Variants in ECE1 observed in about 807,000 individuals in gnomAD.
The protein encoded by ECE1 is endothelin converting enzyme 1.
ECE1 carries 35 observed loss-of-function variants against 98.6 expected under a neutral mutation model. That is an observed-to-expected ratio of 0.35 (90% CI 0.27 to 0.47). The LOEUF is 0.47. Among genes scored for constraint, ECE1 ranks in the 20% least tolerant of loss-of-function variants. The pLI is 1.00. For synonymous variants in ECE1, 394 were observed against 407.1 expected (o/e 0.97, Z 0.39); for missense variants, 814 against 1,025.3 (o/e 0.79, Z 2.81).
chr1:21,221,823 T>C lies in ECE1; in HGVS notation c.2060A>G (p.Lys687Arg). 2 of 1,614,180 alleles carry C rather than the reference T, an allele frequency of 1.2e-6. No individual in the cohort carries two copies. The highest frequency in any genetic ancestry group is 1.3e-5 in the African/African-American group (1 of 75,046). Reference protein sequence around the residue: ...AAYRAYQNWVKKNGAEHSLPT... With the variant: ...AAYRAYQNWVRKNGAEHSLPT... Reference sequence around the variant, plus strand: ...GAGCGAGTGCTCAGCCCCGTTCTTCTTCACCCAGTTCTGGTAAGCCTGGGA... The same window carrying C: ...GAGCGAGTGCTCAGCCCCGTTCTTCCTCACCCAGTTCTGGTAAGCCTGGGA... Residue 687 changes from lysine (K) to arginine (R), a missense_variant, in exon 18 of 19, where the codon AAG becomes AGG. This residue lies in a region of ECE1 where 452 missense variants were observed against 567.3 expected (regional missense o/e 0.80). Transcript: ENST00000374893.
chr1:21,345,194 G>A lies in ECE1; in HGVS notation c.3+182C>T. On this transcript the variant is annotated intron_variant, in intron 1 of 18. Coordinates refer to the ECE1 transcript ENST00000415912. The surrounding 1 kb of genome is among the most constrained non-coding windows in gnomAD (Gnocchi z 5.1). ...GACCAAGCGCAGCGCCGCCGGGAGAGCCGCGCTCTGCCCGGGCGCTCCCCG... is the reference window on the plus strand; with the variant it reads ...GACCAAGCGCAGCGCCGCCGGGAGAACCGCGCTCTGCCCGGGCGCTCCCCG... 2.5e-6 allele frequency: 2 copies of A among 808,030 alleles called. No homozygotes were observed. Among genetic ancestry groups the A allele is most frequent in the Non-Finnish European group, 3.2e-6 (2 of 631,450 alleles). The allele number at this position is 808,030 out of a possible 1,614,324, so 50.1% of individuals were successfully genotyped here. A position where few individuals can be genotyped will look rare whatever the true frequency, so the allele number is the denominator to read the frequency against.
chr1:21,244,649 G>C (rs528018554), intron 10 of ECE1, among the ~76,000 whole-genome samples: 1 of 152,282 alleles, frequency 6.6e-6, no homozygotes, highest in South Asian at 2.1e-4. Flanking sequence ...TGCTTCTAAG[G>C]ACCAGGTGCT....
In ECE1 at chr1:21,220,554, A is replaced by C. The variant is rs1313168597; in HGVS notation, c.2137-423T>G. Among the ~76,000 whole-genome samples the C allele has an allele frequency of 1.3e-5, 2 of 152,064 alleles. No individual in the cohort carries two copies. Among genetic ancestry groups the C allele is most frequent in the East Asian group, 3.9e-4 (2 of 5,172 alleles). On this transcript the variant is annotated intron_variant, in intron 18 of 18. Coordinates refer to ENST00000374893, the MANE Select transcript of ECE1 (RefSeq NM_001397.3). The surrounding 1 kb of genome is among the most constrained non-coding windows in gnomAD (Gnocchi z 5.0). ...TCATACCTGTAATCCCAGCACTTTAAGAGGCCAAGGTGGCGGTGGATCACT... is the reference window on the plus strand; with the variant it reads ...TCATACCTGTAATCCCAGCACTTTACGAGGCCAAGGTGGCGGTGGATCACT...
intron 1 of ECE1, chr1:21,299,908 A>G (rs1242861455): frequency 6.6e-6 from 1 of 152,212 alleles, no homozygotes; most frequent in Non-Finnish European, 1.5e-5. Flanking sequence ...CATTCCATAG[A>G]GTCCTTTATT....
rs1367204641 is a variant in ECE1 at position 21,307,053 on chromosome 1, A to T, written c.4-16897T>A. ...GAGGACTGAGCCAACTCTTGGGCTT[A>T]GGATGACTGAGGTCCACCGAGGACT... is the stretch of plus-strand genomic sequence containing the variant. On this transcript the variant is annotated intron_variant, in intron 1 of 18. Transcript: ENST00000415912. This position sits in a 1 kb window ranked among gnomAD's most constrained non-coding sequence, Gnocchi z 4.2. Among the ~76,000 whole-genome samples, 3 of 152,186 alleles carry T rather than the reference A, an allele frequency of 2.0e-5. No homozygotes were observed. Among genetic ancestry groups the T allele is most frequent in the African/African-American group, 7.2e-5 (3 of 41,450 alleles).
intron 4 of ECE1, among the ~76,000 whole-genome samples, chr1:21,272,491 CA>C (rs1479915549): frequency 6.6e-6 from 1 of 152,228 alleles, no homozygotes; most frequent in Non-Finnish European, 1.5e-5. Flanking sequence ...AGGGTTTTGC[CA>C]TGTTGGCCAG....
chr1:21,337,832 C>G (rs76776950), intron 1 of ECE1, among the ~76,000 whole-genome samples: 8,340 of 152,236 alleles, frequency 0.055, 750 homozygotes, highest in African/African-American at 0.19. Context: ...CAGGTTTGAA[C>G]CTGGGCCCAT....
chr1:21,311,981 G>A (rs1638735178), intron 1 of ECE1, among the ~76,000 whole-genome samples: 1 of 151,212 alleles, frequency 6.6e-6, no homozygotes, highest in Non-Finnish European at 1.5e-5. Context: ...AAATTAGCCG[G>A]GCATGGCAGT....
chr1:21,269,359 G>A lies in ECE1; in HGVS notation c.493+3340C>T, dbSNP rs554085145. 2.0e-5 allele frequency among the ~76,000 whole-genome samples: 3 copies of A among 152,312 alleles called. No individual in the cohort carries two copies. The South Asian group carries it at 6.2e-4, about 32-fold the overall frequency. On this transcript the variant is annotated intron_variant, in intron 4 of 18. Transcript: ENST00000374893. Reference sequence around the variant, plus strand: ...CAAGTGAGATGCTCAGTGTGTCATAGCTGTATTCTGCACCTCCTTCCTGAC... The same window carrying A: ...CAAGTGAGATGCTCAGTGTGTCATAACTGTATTCTGCACCTCCTTCCTGAC...
At chr1:21,299,469 T>C (rs935144848) in intron 1 of ECE1, 1 of 153,022 alleles carries the variant, frequency 6.5e-6, no homozygotes, top group African/African-American at 2.4e-5. Flanking sequence ...GCCCAGGCGA[T>C]GTCTTGGACA....
chr1:21,321,091 G>C (rs111489650), intron 1 of ECE1, among the ~76,000 whole-genome samples: 2 of 152,170 alleles, frequency 1.3e-5, no homozygotes, highest in African/African-American at 4.8e-5. Context: ...CCACTTTACA[G>C]AGGAGGAAAC....
intron 1 of ECE1, among the ~76,000 whole-genome samples, chr1:21,305,158 T>C (rs1392192124): frequency 1.3e-5 from 2 of 152,250 alleles, no homozygotes; most frequent in Non-Finnish European, 2.9e-5. Flanking sequence ...AAATGCTTCA[T>C]AGCCACACAT....
At chr1:21,330,934 A>T (rs1569775357) in intron 1 of ECE1, among the ~76,000 whole-genome samples, 1 of 152,188 alleles carries the variant, frequency 6.6e-6, no homozygotes, top group South Asian at 2.1e-4. Context: ...AGACTGGCTG[A>T]TCATAAGGAC....
chr1:21,297,587 A>G (rs1303097207), intron 1 of ECE1, among the ~76,000 whole-genome samples: 2 of 144,734 alleles, frequency 1.4e-5, no homozygotes, highest in East Asian at 2.0e-4. Flanking sequence ...GCTGGAGTAC[A>G]GTCACTTAAT....
intron 7 of ECE1, among the ~76,000 whole-genome samples, 188 bp downstream of exon 7, chr1:21,257,337 C>T (rs3026880): frequency 3.3e-5 from 5 of 152,182 alleles, no homozygotes; most frequent in Non-Finnish European, 7.3e-5. Context: ...CCCTTGTGTC[C>T]ATGATGCCTG....
intron 1 of ECE1, among the ~76,000 whole-genome samples, chr1:21,304,584 T>C (rs186294025): frequency 2.6e-5 from 4 of 152,176 alleles, no homozygotes; most frequent in Admixed American, 6.5e-5. Context: ...ATGATTTACA[T>C]GCAGCTTCAA....
chr1:21,313,726 G>A (rs556824806), intron 1 of ECE1, among the ~76,000 whole-genome samples: 6 of 152,270 alleles, frequency 3.9e-5, no homozygotes, highest in Admixed American at 6.5e-5. Context: ...TTACCTCTCT[G>A]AGCATGTGTT....
At chr1:21,321,401 C>G (rs1638960796) in intron 1 of ECE1, among the ~76,000 whole-genome samples, 1 of 152,190 alleles carries the variant, frequency 6.6e-6, no homozygotes. Flanking sequence ...GGAGGAGCAG[C>G]CCTGGGGCCC....
chr1:21,245,763 G>A lies in ECE1; in HGVS notation c.1164-660C>T, dbSNP rs576690223. Among the ~76,000 whole-genome samples, 24 of 152,272 alleles carry A rather than the reference G, an allele frequency of 1.6e-4. No individual in the cohort carries two copies. In the East Asian group the frequency reaches 3.7e-3, roughly 23 times the overall value. On this transcript the variant is annotated intron_variant, in intron 9 of 18. Coordinates refer to ENST00000374893, the MANE Select transcript of ECE1 (RefSeq NM_001397.3). ...GTACTATGCAACCATGAAAAATGAT[G>A]TTTGCAGAGGTTTTGAGATGACAAG...
Sources: gnomAD v4.1 joint callset for allele counts (sites outside exome capture counted in the v4.1 genomes callset) on GRCh38, gnomAD v4.1.1 for gene constraint, gnomAD v4.1.1 regional missense constraint, Gnocchi (gnomAD v3.1) non-coding constraint, MANE v1.5 for transcripts, NCBI Gene and HGNC (gene_info 2026-07-23, HGNC 2026-07-21) for gene names.